SYN3: variants seen among roughly 807,000 people sequenced by gnomAD.
SYN3 encodes synapsin III.
Under a neutral mutation model 65.8 loss-of-function variants are expected in SYN3, and 35 were observed. The ratio of observed to expected loss-of-function variants is 0.53; its 90% CI spans 0.41 to 0.70. The LOEUF is 0.70. Among genes scored for constraint, SYN3 ranks in the 30% least tolerant of loss-of-function variants. The pLI is 0.00. For missense variants in SYN3, 680 were observed against 749.0 expected (o/e 0.91, Z 1.08); for synonymous variants, 270 against 292.9 (o/e 0.92, Z 0.80).
At chr22:33,015,991 C>T (rs1044032396) in intron 1 of SYN3, among the ~76,000 whole-genome samples, 13 of 151,982 alleles carry the variant, frequency 8.6e-5, no homozygotes, top group African/African-American at 2.7e-4. Context: ...TACAGGCGCC[C>T]GCCACCACGC....
At chr22:32,871,375 C>T (rs1293514938) in intron 4 of SYN3, among the ~76,000 whole-genome samples, 2 of 152,206 alleles carry the variant, frequency 1.3e-5, no homozygotes. Context: ...AAATCAGAAC[C>T]TTTCTGATTC....
chr22:33,005,435 A>G (rs1361350622), intron 2 of SYN3, among the ~76,000 whole-genome samples: 1 of 152,234 alleles, frequency 6.6e-6, no homozygotes, highest in Non-Finnish European at 1.5e-5. Context: ...AGTACCAAAC[A>G]GCTGGGATAG....
At chr22:32,918,036 G>A (rs2050233942) in intron 4 of SYN3, among the ~76,000 whole-genome samples, 1 of 152,242 alleles carries the variant, frequency 6.6e-6, no homozygotes, top group Non-Finnish European at 1.5e-5. Context: ...CCCCGCCTGG[G>A]GACACAAGGC....
Position 32,531,318 on chromosome 22 carries a change from C to T in SYN3, c.1096-2310G>A, listed in dbSNP as rs372940788. Among the ~76,000 whole-genome samples, 49 of 152,150 alleles carry T rather than the reference C, an allele frequency of 3.2e-4. No individual in the cohort carries two copies. The East Asian group carries it at 5.0e-3, about 16-fold the overall frequency. ...TGAGCTCTGACTGTGGAGTCTGCCGCGAAGGTACACAGGCTTGCTGCACCC... is the reference window on the plus strand; with the variant it reads ...TGAGCTCTGACTGTGGAGTCTGCCGTGAAGGTACACAGGCTTGCTGCACCC... On this transcript the variant is annotated intron_variant, in intron 10 of 13. Coordinates refer to ENST00000358763, the MANE Select transcript of SYN3 (RefSeq NM_003490.4).
chr22:33,049,834 G>A (rs1354021024), intron 1 of SYN3, among the ~76,000 whole-genome samples: 1 of 152,158 alleles, frequency 6.6e-6, no homozygotes, highest in East Asian at 1.9e-4. Context: ...CACAGCCTGA[G>A]CCTGCTCAAG....
intron 4 of SYN3, among the ~76,000 whole-genome samples, chr22:32,889,957 G>T (rs2049396893): frequency 6.6e-6 from 1 of 150,630 alleles, no homozygotes; most frequent in Non-Finnish European, 1.5e-5. Context: ...TTTACTAGAT[G>T]GCCAGTTTCA....
chr22:32,713,836 A>G (rs1384262273), intron 6 of SYN3, among the ~76,000 whole-genome samples: 2 of 151,802 alleles, frequency 1.3e-5, no homozygotes, highest in Non-Finnish European at 2.9e-5. Context: ...GTCTCAAAAA[A>G]AAAAAAAAAA....
intron 7 of SYN3, among the ~76,000 whole-genome samples, chr22:32,584,568 TA>T (rs1284330387): frequency 6.6e-6 from 1 of 152,052 alleles, no homozygotes; most frequent in African/African-American, 2.4e-5. Flanking sequence ...GTCTGTCAGT[TA>T]AAAAAAATTG....
intron 6 of SYN3, chr22:32,862,848 A>G (rs1005374796): frequency 6.6e-6 from 1 of 152,634 alleles, no homozygotes; most frequent in Non-Finnish European, 1.5e-5. Context: ...AGAGAAACCA[A>G]CAAGAGATCT....
chr22:32,930,260 G>GT (rs2050590705), intron 4 of SYN3, among the ~76,000 whole-genome samples: 1 of 152,132 alleles, frequency 6.6e-6, no homozygotes, highest in South Asian at 2.1e-4. Flanking sequence ...TTCTCATGCT[G>GT]TTCTCGTGTT....
At chr22:32,862,582 G>A (rs1394237128) in intron 6 of SYN3, 1 of 152,226 alleles carries the variant, frequency 6.6e-6, no homozygotes, top group Non-Finnish European at 1.5e-5. Context: ...TTGGCTTCTG[G>A]CTACCTAAGG....
At chr22:32,717,689 A>G (rs776999752) in intron 6 of SYN3, among the ~76,000 whole-genome samples, 3 of 152,276 alleles carry the variant, frequency 2.0e-5, no homozygotes, top group African/African-American at 4.8e-5. Context: ...GAGAACAGCC[A>G]TTGCTGAGCT....
At chr22:32,700,835 T>C (rs1402033472) in intron 6 of SYN3, among the ~76,000 whole-genome samples, 1 of 152,224 alleles carries the variant, frequency 6.6e-6, no homozygotes, top group East Asian at 1.9e-4. Flanking sequence ...GGATGTCTCA[T>C]AGGTAACGCA....
chr22:32,932,897 T>C (rs988331766), intron 3 of SYN3, among the ~76,000 whole-genome samples: 1 of 152,132 alleles, frequency 6.6e-6, no homozygotes, highest in African/African-American at 2.4e-5. Context: ...AAGGATGTGT[T>C]CCAGACCTCT....
At chr22:32,872,740 G>T (rs2048881692) in intron 4 of SYN3, among the ~76,000 whole-genome samples, 4 of 152,012 alleles carry the variant, frequency 2.6e-5, no homozygotes, top group Admixed American at 2.6e-4. Flanking sequence ...AGCACCCCAG[G>T]TTCTCCATCT....
intron 4 of SYN3, among the ~76,000 whole-genome samples, chr22:32,891,289 C>T (rs1418702187): frequency 1.3e-5 from 2 of 152,164 alleles, no homozygotes; most frequent in Non-Finnish European, 2.9e-5. Context: ...TGATGACATT[C>T]TCGAAACCTA....
chr22:32,751,048 G>A (rs1471182958), intron 6 of SYN3, among the ~76,000 whole-genome samples: 1 of 152,084 alleles, frequency 6.6e-6, no homozygotes, highest in East Asian at 1.9e-4. Flanking sequence ...ATGAAGGTGT[G>A]TGTGCAGGCA....
chr22:32,956,336 A>C (rs2051464510), intron 3 of SYN3, among the ~76,000 whole-genome samples: 1 of 151,864 alleles, frequency 6.6e-6, no homozygotes, highest in Admixed American at 6.6e-5. Flanking sequence ...TTGTATTTTT[A>C]GTAGAGACAG....
rs1476480231 is a variant in SYN3, at chr22:32,869,102, A to G, written c.485T>C (p.Ile162Thr). 7 of 1,613,640 alleles carry G rather than the reference A, an allele frequency of 4.3e-6. No homozygotes were observed. In the African/African-American group the frequency reaches 9.3e-5, roughly 22 times the overall value. ...GCTGTAGGCATGCTGGCGGACCAGG[A>G]TGAAGTCTGGCTTGAAGGATCTGCT... Reference protein sequence around the residue: ...VVSRSFKPDFILVRQHAYSMA... With the variant: ...VVSRSFKPDFTLVRQHAYSMA... Residue 162 changes from isoleucine to threonine, a missense_variant, in exon 5 of 14, where the codon ATC becomes ACC. Transcript: ENST00000358763.
Sources: gnomAD v4.1 joint callset for allele counts (sites outside exome capture counted in the v4.1 genomes callset) on GRCh38, gnomAD v4.1.1 for gene constraint, MANE v1.5 for transcripts, NCBI Gene and HGNC (gene_info 2026-07-23, HGNC 2026-07-21) for gene names.